The following XKR4 variants were observed in gnomAD, a reference collection of about 807,000 sequenced individuals.
XKR4 encodes the protein XK-related protein 4.
Under a neutral mutation model 53.9 loss-of-function variants are expected in XKR4, and 12 were observed. The ratio of observed to expected loss-of-function variants is 0.22; its 90% CI spans 0.14 to 0.36. The LOEUF is 0.36. Among genes scored for constraint, XKR4 ranks in the 10% least tolerant of loss-of-function variants. XKR4 has a pLI of 1.00. For synonymous variants in XKR4, 354 were observed against 362.4 expected (o/e 0.98, Z 0.26); for missense variants, 799 against 859.5 (o/e 0.93, Z 0.88).
intron 1 of XKR4, among the ~76,000 whole-genome samples, chr8:55,226,342 G>C (rs1274088539): frequency 6.6e-6 from 1 of 152,150 alleles, no homozygotes; most frequent in Non-Finnish European, 1.5e-5. Context: ...ACTCTCAGTA[G>C]GTGATTGAAC....
intron 1 of XKR4, among the ~76,000 whole-genome samples, chr8:55,254,374 G>T (rs1041802653): frequency 6.6e-6 from 1 of 152,066 alleles, no homozygotes; most frequent in Non-Finnish European, 1.5e-5. Context: ...CACAATTGGT[G>T]CTCTCTTATC....
intron 1 of XKR4, among the ~76,000 whole-genome samples, chr8:55,348,196 C>A (rs571748572): frequency 6.6e-6 from 1 of 152,256 alleles, no homozygotes; most frequent in East Asian, 1.9e-4. Context: ...GAGAAAATGA[C>A]AAGGACCGAA....
At chr8:55,461,983 C>G (rs889626781) in intron 2 of XKR4, among the ~76,000 whole-genome samples, 1 of 151,986 alleles carries the variant, frequency 6.6e-6, no homozygotes, top group Non-Finnish European at 1.5e-5. Context: ...GTCAAAAGAC[C>G]TAATCTACAT....
intron 1 of XKR4, among the ~76,000 whole-genome samples, chr8:55,249,813 T>A (rs1293444628): frequency 6.6e-6 from 1 of 152,244 alleles, no homozygotes; most frequent in Non-Finnish European, 1.5e-5. Context: ...CTCTTGTCAT[T>A]CTTACTTCAC....
intron 2 of XKR4, among the ~76,000 whole-genome samples, chr8:55,433,391 A>G (rs1312451965): frequency 6.6e-6 from 1 of 152,230 alleles, no homozygotes; most frequent in Non-Finnish European, 1.5e-5. Context: ...TTGTGACCAA[A>G]CAATAGTTAA....
chr8:55,520,384 G>C (rs1219150613), intron 2 of XKR4, among the ~76,000 whole-genome samples: 1 of 152,196 alleles, frequency 6.6e-6, no homozygotes, highest in Non-Finnish European at 1.5e-5. Flanking sequence ...CAAGGAGTTC[G>C]AGACCAGCCT....
intron 2 of XKR4, among the ~76,000 whole-genome samples, chr8:55,470,706 A>G (rs1353960578): frequency 1.3e-5 from 2 of 152,166 alleles, no homozygotes; most frequent in Non-Finnish European, 2.9e-5. Flanking sequence ...TGGAACAATA[A>G]CTATCATTAT....
At chr8:55,264,100 C>T (rs114347311) in intron 1 of XKR4, among the ~76,000 whole-genome samples, 1,805 of 152,284 alleles carry the variant, frequency 0.012, 23 homozygotes, top group Middle Eastern at 0.065. Context: ...GGCCTCCTTC[C>T]ATTACTAGAA....
At chr8:55,370,260 C>A (rs1804053212) in intron 2 of XKR4, among the ~76,000 whole-genome samples, 1 of 152,118 alleles carries the variant, frequency 6.6e-6, no homozygotes, top group African/African-American at 2.4e-5. Flanking sequence ...GACACAAATG[C>A]TCAGGAAGTC....
intron 1 of XKR4, among the ~76,000 whole-genome samples, chr8:55,146,227 C>A (rs191312012): frequency 2.0e-5 from 3 of 152,190 alleles, no homozygotes; most frequent in East Asian, 3.9e-4. Flanking sequence ...AAAGAAAAGC[C>A]GAGACTGCCT....
intron 1 of XKR4, among the ~76,000 whole-genome samples, chr8:55,112,130 G>C (rs1307094705): frequency 1.3e-5 from 2 of 152,088 alleles, no homozygotes; most frequent in African/African-American, 4.8e-5. Context: ...AAAACCTTAA[G>C]CATCCGTTTT....
At chr8:55,167,505 C>G (rs1040064207) in intron 1 of XKR4, among the ~76,000 whole-genome samples, 11 of 152,026 alleles carry the variant, frequency 7.2e-5, no homozygotes, top group African/African-American at 2.7e-4. Flanking sequence ...AACCCAGGAC[C>G]CCAAATAACC....
intron 1 of XKR4, among the ~76,000 whole-genome samples, chr8:55,294,676 C>A (rs1450008855): frequency 1.3e-5 from 2 of 152,196 alleles, no homozygotes; most frequent in African/African-American, 4.8e-5. Context: ...TGTCTCCAGA[C>A]CTGTTCCATC....
intron 2 of XKR4, among the ~76,000 whole-genome samples, chr8:55,441,890 T>A (rs979121527): frequency 2.6e-5 from 4 of 151,930 alleles, no homozygotes; most frequent in Admixed American, 1.3e-4. Flanking sequence ...TTAAAAATAA[T>A]ATATTGGAAA....
intron 1 of XKR4, among the ~76,000 whole-genome samples, chr8:55,225,073 A>G (rs1368252766): frequency 6.6e-6 from 1 of 152,236 alleles, no homozygotes; most frequent in African/African-American, 2.4e-5. Context: ...TATAAAACTT[A>G]CATTCCCTGT....
chr8:55,236,409 T>A (rs1243087648), intron 1 of XKR4, among the ~76,000 whole-genome samples: 1 of 152,186 alleles, frequency 6.6e-6, no homozygotes, highest in Non-Finnish European at 1.5e-5. Context: ...CGATTCAACC[T>A]GACTCCAGTG....
At chr8:55,427,514 G>A (rs1376632496) in intron 2 of XKR4, among the ~76,000 whole-genome samples, 1 of 152,076 alleles carries the variant, frequency 6.6e-6, no homozygotes, top group Non-Finnish European at 1.5e-5. Context: ...TCTGACCCTG[G>A]AACCAGTTAT....
intron 2 of XKR4, among the ~76,000 whole-genome samples, chr8:55,486,051 A>G (rs1806185908): frequency 6.6e-6 from 1 of 152,230 alleles, no homozygotes; most frequent in Non-Finnish European, 1.5e-5. Context: ...ATACATATAA[A>G]TAATCACATA....
Position 55,145,054 on chromosome 8 carries a change from AC to A in XKR4, c.806+41765del, listed in dbSNP as rs941704354. 4.6e-5 allele frequency among the ~76,000 whole-genome samples: 7 copies of A among 150,738 alleles called. 1 individual carries two copies. Among genetic ancestry groups the A allele is most frequent in the Admixed American group, 4.0e-4 (6 of 15,108 alleles). On this transcript the variant is annotated intron_variant, in intron 1 of 2. Coordinates refer to ENST00000327381, the MANE Select transcript of XKR4 (RefSeq NM_052898.2). ...ATCATGTTGGCCAAGCTGGTCTCAA[AC>A]CCCCGGCCTCCAGGGATCCGCCCGC...
Sources: allele counts gnomAD v4.1 joint callset (sites outside exome capture counted in the v4.1 genomes callset), GRCh38; gene constraint gnomAD v4.1.1; transcripts MANE v1.5; gene names NCBI Gene and HGNC (gene_info 2026-07-23, HGNC 2026-07-21).